The following CRYL1 variants were observed in gnomAD, a reference collection of about 807,000 sequenced individuals.
CRYL1 encodes lambda-crystallin homolog.
CRYL1 carries 29 observed loss-of-function variants against 36.6 expected under a neutral mutation model. That is an observed-to-expected ratio of 0.79 (90% CI 0.59 to 1.08). CRYL1 has a LOEUF of 1.08. CRYL1 is among the 50% of genes least tolerant of loss of function. The pLI is 0.00. For missense variants in CRYL1, 411 were observed against 407.9 expected, an observed-to-expected ratio of 1.01 and a Z score of -0.06; for synonymous variants, 152 against 151.5, an observed-to-expected ratio of 1.00 and a Z score of -0.02.
chr13:20,507,062 C>T (rs1400519139), intron 2 of CRYL1, among the ~76,000 whole-genome samples: 1 of 152,174 alleles, frequency 6.6e-6, no homozygotes, highest in Non-Finnish European at 1.5e-5. Flanking sequence ...TTGTTGGCCA[C>T]TCTGTGAGAT....
chr13:20,484,564 T>C (rs2033357473), intron 3 of CRYL1, among the ~76,000 whole-genome samples: 2 of 152,104 alleles, frequency 1.3e-5, no homozygotes. Flanking sequence ...CCCAGCTAAT[T>C]GGGAGGCTGA....
intron 4 of CRYL1, among the ~76,000 whole-genome samples, chr13:20,437,226 A>G (rs1458176634): frequency 6.6e-6 from 1 of 152,156 alleles, no homozygotes; most frequent in African/African-American, 2.4e-5. Flanking sequence ...GAAAGGTCCA[A>G]AGATGGCTAA....
At chr13:20,495,284 T>C (rs981845634) in intron 2 of CRYL1, among the ~76,000 whole-genome samples, 64 of 152,316 alleles carry the variant, frequency 4.2e-4, no homozygotes, top group Non-Finnish European at 1.8e-4. Flanking sequence ...GAGGCACTAG[T>C]AGAAGGCTGC....
chr13:20,426,795 G>A (rs567487867), intron 5 of CRYL1: 10 of 985,330 alleles, frequency 1.0e-5, no homozygotes, highest in East Asian at 2.3e-4. Flanking sequence ...AAAGCTCAAC[G>A]ATGAAGTTCT....
chr13:20,460,814 T>C (rs9578283), intron 3 of CRYL1, among the ~76,000 whole-genome samples: 12,262 of 152,158 alleles, frequency 0.081, 1,652 homozygotes, highest in African/African-American at 0.28. Context: ...CGTGAGCCAC[T>C]GCGCCCCGCC....
intron 1 of CRYL1, among the ~76,000 whole-genome samples, chr13:20,522,879 A>G (rs546041242): frequency 3.3e-5 from 5 of 150,476 alleles, no homozygotes; most frequent in Non-Finnish European, 5.9e-5. Context: ...CACTACTCCA[A>G]TGCAAATTTA....
intron 5 of CRYL1, among the ~76,000 whole-genome samples, chr13:20,424,088 G>C (rs1232427560): frequency 1.3e-5 from 2 of 152,094 alleles, no homozygotes; most frequent in Non-Finnish European, 2.9e-5. Flanking sequence ...CTCTGATATA[G>C]TTCTAGGGCT....
At chr13:20,492,000 A>T (rs1222376944) in intron 2 of CRYL1, among the ~76,000 whole-genome samples, 1 of 152,186 alleles carries the variant, frequency 6.6e-6, no homozygotes, top group Non-Finnish European at 1.5e-5. Context: ...TTGAAACATC[A>T]TGGAGGGAAA....
chr13:20,447,252 T>C (rs7337166), intron 3 of CRYL1, among the ~76,000 whole-genome samples: 37,987 of 152,172 alleles, frequency 0.25, 5,344 homozygotes, highest in Non-Finnish European at 0.32. Context: ...CAACCCAACA[T>C]CTGATTCATT....
chr13:20,459,954 G>A (rs146374122), intron 3 of CRYL1, among the ~76,000 whole-genome samples: 166 of 152,286 alleles, frequency 1.1e-3, no homozygotes, highest in African/African-American at 3.7e-3. Flanking sequence ...TCCTCCTGCC[G>A]ATTCAACCTT....
At chr13:20,491,782 C>A (rs991830169) in intron 2 of CRYL1, among the ~76,000 whole-genome samples, 3 of 152,128 alleles carry the variant, frequency 2.0e-5, no homozygotes, top group East Asian at 3.9e-4. Flanking sequence ...CAGAGCGAGA[C>A]CCTGTCTCAA....
At chr13:20,522,818 A>G (rs574498008) in intron 1 of CRYL1, among the ~76,000 whole-genome samples, 4 of 152,202 alleles carry the variant, frequency 2.6e-5, no homozygotes, top group Non-Finnish European at 4.4e-5. Context: ...TTAGCGATTT[A>G]GAAACACAGT....
intron 5 of CRYL1, among the ~76,000 whole-genome samples, chr13:20,418,033 C>A (rs73441780): frequency 0.016 from 2,467 of 152,270 alleles, 61 homozygotes; most frequent in African/African-American, 0.055. Context: ...GGCAGGCCGG[C>A]AACTCCAGGC....
At chr13:20,477,778 T>C (rs943255359) in intron 3 of CRYL1, among the ~76,000 whole-genome samples, 1 of 146,102 alleles carries the variant, frequency 6.8e-6, no homozygotes, top group Non-Finnish European at 1.5e-5. Context: ...AATTGTATAA[T>C]AGATAATATA....
At chr13:20,469,300 C>A (rs1565974834) in intron 3 of CRYL1, among the ~76,000 whole-genome samples, 1 of 151,686 alleles carries the variant, frequency 6.6e-6, no homozygotes, top group Non-Finnish European at 1.5e-5. Context: ...CTCAACAGTC[C>A]TTTATAAACA....
At chr13:20,420,701 T>TTTTTTTTTTTTTTTTTTTGTGTG in intron 5 of CRYL1, among the ~76,000 whole-genome samples, 3 of 21,872 alleles carry the variant, frequency 1.4e-4, no homozygotes, top group Non-Finnish European at 4.1e-4. Context: ...AAAATAGAGG[T>TTTTTTTTTTTTTTTTTTTGTGTG]TGTGTGTGTG....
At position 20,427,010 on chromosome 13, in the gene CRYL1, C is replaced by T. The variant is rs148857347; in HGVS notation, c.633+5092G>A. The T allele has an allele frequency of 2.6e-4, 255 of 985,498 alleles. 1 individual carries two copies. In the African/African-American group the frequency reaches 4.0e-3, roughly 15 times the overall value. 61.0% of individuals were successfully genotyped at this position (985,498 alleles called of 1,614,324 possible). ...TCACACCAGCAGGCTGAGAACCTGC[C>T]GAGGGTTGCAGATTCATTCCCAGGC... is the stretch of plus-strand genomic sequence containing the variant. On this transcript the variant is annotated intron_variant, in intron 5 of 7. Transcript: ENST00000298248.
chr13:20,499,230 C>T (rs564642932), intron 2 of CRYL1, among the ~76,000 whole-genome samples: 4 of 151,634 alleles, frequency 2.6e-5, no homozygotes, highest in Non-Finnish European at 5.9e-5. Flanking sequence ...CCTGTAGTCT[C>T]AGCTACTCTG....
intron 6 of CRYL1, among the ~76,000 whole-genome samples, chr13:20,408,488 C>G (rs2031436214): frequency 6.6e-6 from 1 of 152,196 alleles, no homozygotes; most frequent in Non-Finnish European, 1.5e-5. Flanking sequence ...AGGGACAAGG[C>G]TGAGCGGTTT....
Sources: allele counts gnomAD v4.1 joint callset (sites outside exome capture counted in the v4.1 genomes callset), GRCh38; gene constraint gnomAD v4.1.1; transcripts MANE v1.5; gene names NCBI Gene and HGNC (gene_info 2026-07-23, HGNC 2026-07-21).